Variants in CXCL14 observed in about 807,000 individuals in gnomAD.
CXCL14 encodes C-X-C motif chemokine ligand 14.
In CXCL14, 9 loss-of-function variants were observed where a neutral mutation model predicts 16.1. The observed-to-expected ratio is 0.56, with a 90% CI of 0.34 to 0.97. CXCL14 has a LOEUF of 0.97. Ranked by LOEUF, CXCL14 falls within the 50% of genes least tolerant of loss-of-function variation. CXCL14 has a pLI of 0.02. For synonymous variants in CXCL14, 55 were observed against 52.8 expected, an observed-to-expected ratio of 1.04 and a Z score of -0.18; for missense variants, 111 against 132.5, an observed-to-expected ratio of 0.84 and a Z score of 0.80.
At chr5:135,574,748 G>T in intron 2 of CXCL14, 63 bp from the exon 3 acceptor site, 1 of 1,363,106 alleles carries the variant, frequency 7.3e-7, no homozygotes, top group Non-Finnish European at 1.0e-6. Flanking sequence ...CCTCTTGTGT[G>T]GCCTGTGAGT....
At position 135,578,758 on chromosome 5, in the gene CXCL14, C is replaced by T. The variant is rs1175204978; in HGVS notation, c.21G>A (p.Ala7=). MRLLAA[A]LLLLLLALYT... ...ACAGCGCCAGCAGCAGCAGGAGCAG[C>T]GCGGCCGCCAGGAGCCTCATGCTGA... Residue 7 remains alanine, a synonymous_variant, in exon 1 of 4, where the codon GCG becomes GCA. Transcript: ENST00000512158. 5.8e-6 allele frequency: 9 copies of T among 1,546,146 alleles called. No homozygotes were observed. Among genetic ancestry groups the T allele is most frequent in the Non-Finnish European group, 7.9e-6 (9 of 1,145,940 alleles).
chr5:135,578,012 G>A (rs1057363095), intron 2 of CXCL14, among the ~76,000 whole-genome samples: 5 of 152,238 alleles, frequency 3.3e-5, no homozygotes, highest in Admixed American at 6.5e-5. Context: ...ATTTAAGATA[G>A]TGTTTGCATT....
chr5:135,571,869 C>T lies in CXCL14; in HGVS notation c.285-1G>A, dbSNP rs1318739321. On this transcript the variant is annotated splice_acceptor_variant, in intron 3 of 3. Transcript: ENST00000512158. LOFTEE classifies it high-confidence loss of function. ...TTTTTCACCCTATTCTTCGTAGACC[C>T]TGGGGAGAAAAAACACATGTGTAAG... 4.4e-6 allele frequency: 7 copies of T among 1,592,434 alleles called. No homozygotes were observed. Among genetic ancestry groups the T allele is most frequent in the Non-Finnish European group, 6.0e-6 (7 of 1,168,624 alleles).
rs765446726 is a variant in CXCL14 at position 135,574,685 on chromosome 5, G to A, written c.171C>T (p.Ile57=). The A allele has an allele frequency of 2.2e-5, 36 of 1,612,538 alleles. No individual in the cohort carries two copies. The East Asian group carries it at 7.1e-4, about 32-fold the overall frequency. The change falls in exon 3 of 4, where the codon ATC becomes ATT. Residue 57 remains isoleucine (I), a splice_region_variant and synonymous_variant. Transcript: ENST00000512158. ...KYPHCEEKMV[I]ITTKSVSRYR... ...ACCTGGACACGCTCTTGGTGGTGAT[G>A]CTGAAACGGAGCAGGATGAGGTGGA...
chr5:135,571,999 A>T, intron 3 of CXCL14, 131 bp from the exon 4 acceptor site: 1 of 845,200 alleles, frequency 1.2e-6, no homozygotes, highest in East Asian at 2.7e-5. Flanking sequence ...AGGAACCCCC[A>T]GGAGAAGTGG....
At chr5:135,574,012 C>A (rs1341495421) in intron 3 of CXCL14, among the ~76,000 whole-genome samples, 2 of 152,196 alleles carry the variant, frequency 1.3e-5, no homozygotes, top group Admixed American at 1.3e-4. Context: ...TTTTAAAGAG[C>A]CAAACCTGTG....
intron 2 of CXCL14, 42 bp downstream of exon 2, chr5:135,578,392 A>T (rs1236409282): frequency 6.5e-7 from 1 of 1,531,748 alleles, no homozygotes; most frequent in Non-Finnish European, 9.1e-7. Flanking sequence ...CATTGGGTTG[A>T]CAGCAGTGCG....
rs1751168315 is a variant in CXCL14, at chr5:135,578,937, A to G, written c.-159T>C. 1 of 746,696 alleles carries G rather than the reference A, an allele frequency of 1.3e-6. No individual in the cohort carries two copies. Among genetic ancestry groups the G allele is most frequent in the African/African-American group, 1.9e-5 (1 of 52,850 alleles). 46.3% of individuals were successfully genotyped at this position (746,696 alleles called of 1,614,324 possible). A position where few individuals can be genotyped will look rare whatever the true frequency, so the allele number is the denominator to read the frequency against. On this transcript the variant is annotated 5_prime_UTR_variant, in exon 1 of 4. Transcript: ENST00000512158. ...CCGGCTGCGCCGTCGGTGGATGCCC[A>G]GGGCTGTCTGTGGCCGTGCGCTGCG...
chr5:135,576,407 C>T (rs1751099723), intron 2 of CXCL14, among the ~76,000 whole-genome samples: 1 of 152,204 alleles, frequency 6.6e-6, no homozygotes, highest in African/African-American at 2.4e-5. Context: ...AGTGTGCAGG[C>T]TGTGCATCCC....
At position 135,578,480 on chromosome 5, in the gene CXCL14, G is replaced by C; in HGVS notation, c.124C>G (p.Leu42Val). The C allele has an allele frequency of 1.2e-6, 2 of 1,614,224 alleles. No homozygotes were observed. Among genetic ancestry groups the C allele is most frequent in the East Asian group, 2.2e-5 (1 of 44,886 alleles). Residue 42 changes from leucine to valine, a missense_variant, in exon 2 of 4, where the codon CTG becomes GTG. Leu to Val is a conservative substitution (Grantham distance 32, BLOSUM62 1). Transcript: ENST00000512158. ...TGCGGGTACTTTGGCTTCATTTCCA[G>C]CTTCTTCACGTCGCTGTAGCGGATC... The part of the protein sequence containing the change: ...PKIRYSDVKK[L>V]EMKPKYPHCE...
intron 2 of CXCL14, among the ~76,000 whole-genome samples, chr5:135,577,531 T>G (rs921139118): frequency 6.6e-6 from 1 of 152,190 alleles, no homozygotes; most frequent in African/African-American, 2.4e-5. Context: ...GCAGACACTG[T>G]GAAGGCCTTT....
At chr5:135,576,676 C>G (rs562767935) in intron 2 of CXCL14, among the ~76,000 whole-genome samples, 2 of 152,118 alleles carry the variant, frequency 1.3e-5, no homozygotes, top group Admixed American at 6.5e-5. Flanking sequence ...TTCTAGAATT[C>G]GGACTCTCCT....
rs778665178 is a variant in CXCL14 at position 135,571,802 on chromosome 5, T to C, written c.*51A>G. On this transcript the variant is annotated 3_prime_UTR_variant, in exon 4 of 4. Transcript: ENST00000512158. ...TTTTTTTTTAATCTGCAAAGTCCTTTGCACAAGTCTCCCAACTGGTTTGGA... is the reference window on the plus strand; with the variant it reads ...TTTTTTTTTAATCTGCAAAGTCCTTCGCACAAGTCTCCCAACTGGTTTGGA... 3 of 915,098 alleles carry C rather than the reference T, an allele frequency of 3.3e-6. No individual in the cohort carries two copies. Among genetic ancestry groups the C allele is most frequent in the Admixed American group, 4.2e-5 (2 of 47,900 alleles). The allele number at this position is 915,098 out of a possible 1,614,324, so 56.7% of individuals were successfully genotyped here.
At chr5:135,572,015 A>T in intron 3 of CXCL14, 147 bp from the exon 4 acceptor site, 2 of 746,372 alleles carry the variant, frequency 2.7e-6, no homozygotes, top group South Asian at 3.6e-5. Flanking sequence ...AGTGGGAGGG[A>T]TCCTTCTGAG....
intron 2 of CXCL14, among the ~76,000 whole-genome samples, chr5:135,575,917 C>A (rs557296067): frequency 1.3e-5 from 2 of 152,260 alleles, no homozygotes; most frequent in South Asian, 4.2e-4. Flanking sequence ...GGACAGAGGT[C>A]AGCTAGTTCC....
At chr5:135,576,383 T>C (rs17168644) in intron 2 of CXCL14, among the ~76,000 whole-genome samples, 6,981 of 152,270 alleles carry the variant, frequency 0.046, 550 homozygotes, top group African/African-American at 0.16. Flanking sequence ...TAAAAACCCT[T>C]TCTCAGTTAG....
chr5:135,576,892 G>C lies in CXCL14; in HGVS notation c.170+1542C>G, dbSNP rs769586582. Among the ~76,000 whole-genome samples the C allele has an allele frequency of 1.8e-3, 268 of 152,266 alleles. 4 individuals carry two copies. Among genetic ancestry groups the C allele is most frequent in the Non-Finnish European group, 3.0e-3 (204 of 68,008 alleles). The stretch of plus-strand genomic sequence containing the variant: ...TGATTTGGAGAGTTTTAGGATTGTG[G>C]AGGGGGAGAGGAGCCCCCAGCCCTC... On this transcript the variant is annotated intron_variant, in intron 2 of 3. Coordinates refer to ENST00000512158, the MANE Select transcript of CXCL14 (RefSeq NM_004887.5).
rs770174401 is a variant in CXCL14 at position 135,578,517 on chromosome 5, C to T, written c.87G>A (p.Arg29=). 6 of 1,614,210 alleles carry T rather than the reference C, an allele frequency of 3.7e-6. No individual in the cohort carries two copies. Among genetic ancestry groups the T allele is most frequent in the South Asian group, 1.1e-5 (1 of 91,082 alleles). ...CGCTGTAGCGGATCTTGGGTCCCTT[C>T]CGGGAGCACTTGCATTTGGACCCTG... ...RVDGSKCKCS[R]KGPKIRYSDV... is the part of the protein sequence containing the mutation. The change falls in exon 2 of 4, where the codon CGG becomes CGA. Residue 29 remains arginine, a synonymous_variant. Coordinates refer to ENST00000512158, the MANE Select transcript of CXCL14 (RefSeq NM_004887.5).
Position 135,578,750 on chromosome 5 carries a change from A to G in CXCL14, c.29T>C (p.Leu10Pro). The change falls in exon 1 of 4, where the codon CTG becomes CCG. Residue 10 changes from leucine to proline, a missense_variant. Leu to Pro is a moderately conservative substitution (Grantham distance 98, BLOSUM62 -3). Coordinates refer to ENST00000512158, the MANE Select transcript of CXCL14 (RefSeq NM_004887.5). The stretch of plus-strand genomic sequence containing the variant: ...CGCGGTGTACAGCGCCAGCAGCAGC[A>G]GGAGCAGCGCGGCCGCCAGGAGCCT... MRLLAAALL[L>P]LLLALYTARV... The G allele has an allele frequency of 6.5e-7, 1 of 1,546,752 alleles. No homozygotes were observed. The highest frequency in any genetic ancestry group is 8.7e-7 in the Non-Finnish European group (1 of 1,146,050).
Sources: allele counts gnomAD v4.1 joint callset (sites outside exome capture counted in the v4.1 genomes callset), GRCh38; gene constraint gnomAD v4.1.1; transcripts MANE v1.5; gene names NCBI Gene and HGNC (gene_info 2026-07-23, HGNC 2026-07-21).